The following IMMP1L variants were observed in gnomAD, a reference collection of about 807,000 sequenced individuals.
IMMP1L encodes mitochondrial inner membrane protease subunit 1.
A neutral mutation model predicts 21.8 loss-of-function variants in IMMP1L; 24 were observed. The observed-to-expected ratio is 1.10, with a 90% confidence interval of 0.80 to 1.55. IMMP1L has a LOEUF of 1.55. Among genes scored for constraint, IMMP1L ranks in the 40% most tolerant of loss-of-function variants. The pLI is 0.00. For missense variants in IMMP1L, 195 were observed against 200.7 expected, an observed-to-expected ratio of 0.97 and a Z score of 0.17; for synonymous variants, 46 against 62.8, an observed-to-expected ratio of 0.73 and a Z score of 1.26.
At chr11:31,478,809 G>T (rs1308336160) in intron 1 of IMMP1L, among the ~76,000 whole-genome samples, 3 of 151,870 alleles carry the variant, frequency 2.0e-5, no homozygotes, top group African/African-American at 7.3e-5. Flanking sequence ...AAATTTCCTT[G>T]ATCATTTTAT....
chr11:31,470,362 G>A (rs539704893), intron 1 of IMMP1L, among the ~76,000 whole-genome samples: 8 of 151,204 alleles, frequency 5.3e-5, no homozygotes, highest in South Asian at 2.1e-4. Context: ...GCGGTGAGCC[G>A]AGATAGCGCT....
chr11:31,465,339 G>C (rs1954298247), intron 1 of IMMP1L, among the ~76,000 whole-genome samples: 1 of 152,012 alleles, frequency 6.6e-6, no homozygotes, highest in Non-Finnish European at 1.5e-5. Context: ...CATACTCATG[G>C]ATTGGAAGAA....
chr11:31,475,204 C>T (rs1315122435), intron 1 of IMMP1L, among the ~76,000 whole-genome samples: 2 of 152,066 alleles, frequency 1.3e-5, no homozygotes, highest in East Asian at 1.9e-4. Flanking sequence ...TGAAACTCAC[C>T]TTATGTTTAT....
At chr11:31,488,633 G>A (rs1955157120) in intron 1 of IMMP1L, among the ~76,000 whole-genome samples, 1 of 152,056 alleles carries the variant, frequency 6.6e-6, no homozygotes, top group Non-Finnish European at 1.5e-5. Flanking sequence ...AATACCTGAG[G>A]TTAATTTTAA....
At chr11:31,447,023 T>C (rs1389498011) in intron 4 of IMMP1L, among the ~76,000 whole-genome samples, 2 of 152,234 alleles carry the variant, frequency 1.3e-5, no homozygotes, top group African/African-American at 4.8e-5. Flanking sequence ...GCTACCATAT[T>C]GGACAGCACA....
At chr11:31,498,040 G>A (rs556672156) in intron 1 of IMMP1L, among the ~76,000 whole-genome samples, 6 of 152,204 alleles carry the variant, frequency 3.9e-5, no homozygotes, top group African/African-American at 1.4e-4. Flanking sequence ...AAAAACGATC[G>A]TCATGTATGA....
intron 1 of IMMP1L, among the ~76,000 whole-genome samples, chr11:31,490,325 A>G (rs752853180): frequency 1.3e-5 from 2 of 152,098 alleles, no homozygotes; most frequent in Non-Finnish European, 2.9e-5. Context: ...TACAAAAATT[A>G]GCCGGGCATC....
At chr11:31,473,098 G>A (rs996389776) in intron 1 of IMMP1L, among the ~76,000 whole-genome samples, 35 of 152,262 alleles carry the variant, frequency 2.3e-4, no homozygotes, top group African/African-American at 8.2e-4. Flanking sequence ...CGCCCAGGCT[G>A]GAGTGTAGTG....
intron 4 of IMMP1L, 72 bp from the exon 5 acceptor site, chr11:31,433,642 C>T (rs1591930421): frequency 1.1e-6 from 1 of 871,132 alleles, no homozygotes; most frequent in East Asian, 2.5e-5. Context: ...AAAAGCATGT[C>T]ATTCAGAGGT....
At chr11:31,491,689 A>G (rs1008018689) in intron 1 of IMMP1L, among the ~76,000 whole-genome samples, 11 of 152,264 alleles carry the variant, frequency 7.2e-5, no homozygotes, top group African/African-American at 2.7e-4. Flanking sequence ...ATGCTAAAAC[A>G]TGCTCTGGAG....
chr11:31,471,370 C>T (rs896402353), intron 1 of IMMP1L, among the ~76,000 whole-genome samples: 2 of 152,154 alleles, frequency 1.3e-5, no homozygotes, highest in Non-Finnish European at 2.9e-5. Flanking sequence ...CCGTGTATGG[C>T]CTCCAGGTAT....
At chr11:31,437,118 C>G in intron 4 of IMMP1L, 1 of 444,256 alleles carries the variant, frequency 2.3e-6, no homozygotes, top group South Asian at 1.6e-5. Context: ...TGATCCACCT[C>G]TATAAGTTGC....
At position 31,482,466 on chromosome 11, in the gene IMMP1L, A is replaced by G. The variant is rs561888076; in HGVS notation, c.-29-19161T>C. 3.2e-4 allele frequency among the ~76,000 whole-genome samples: 48 copies of G among 152,146 alleles called. 1 individual carries two copies. The highest frequency in any genetic ancestry group is 1.1e-3 in the African/African-American group (47 of 41,536). On this transcript the variant is annotated intron_variant, in intron 1 of 5. Transcript: ENST00000532287. ...TTGCAATACCCATCATCAATGAAGA[A>G]CTCATATTTTGAATATATAAAGAAC...
rs1162324478 is a variant in IMMP1L at position 31,447,355 on chromosome 11, T to C, written c.321+8905A>G. 2.0e-5 allele frequency among the ~76,000 whole-genome samples: 3 copies of C among 152,146 alleles called. No homozygotes were observed. In the East Asian group the frequency reaches 5.8e-4, roughly 29 times the overall value. On this transcript the variant is annotated intron_variant, in intron 4 of 5. Transcript: ENST00000532287. ...GCTAGGATTGGTCTGGGGTCAGAAG[T>C]CCATTATCGGTCTCAGTCTGTGTCC...
intron 1 of IMMP1L, among the ~76,000 whole-genome samples, chr11:31,482,069 A>G (rs1185919177): frequency 6.6e-6 from 1 of 152,098 alleles, no homozygotes; most frequent in Non-Finnish European, 1.5e-5. Context: ...TTAAAACTGC[A>G]CATAAGGTGA....
chr11:31,456,227 C>T, intron 4 of IMMP1L, 33 bp downstream of exon 4: 1 of 1,460,010 alleles, frequency 6.8e-7, no homozygotes, highest in South Asian at 1.3e-5. Context: ...TCAATTATGA[C>T]ACCAAAAATA....
At position 31,446,673 on chromosome 11, in the gene IMMP1L, G is replaced by T. The variant is rs1278299489; in HGVS notation, c.321+9587C>A. ...AGCACAATGCTGTACTTACTTCTAG[G>T]CCTTCAGAATATGCTGCTTTCTTTG... On this transcript the variant is annotated intron_variant, in intron 4 of 5. Transcript: ENST00000532287. 2.0e-5 allele frequency among the ~76,000 whole-genome samples: 3 copies of T among 152,022 alleles called. 1 individual carries two copies. The highest frequency in any genetic ancestry group is 4.8e-5 in the African/African-American group (2 of 41,378).
At chr11:31,452,217 A>G (rs1953779904) in intron 4 of IMMP1L, 4 of 984,778 alleles carry the variant, frequency 4.1e-6, no homozygotes, top group Non-Finnish European at 4.8e-6. Flanking sequence ...ATTTTACAAC[A>G]TGTTTGTTGA....
intron 1 of IMMP1L, among the ~76,000 whole-genome samples, chr11:31,496,126 A>AAC (rs1554950923): frequency 1.1e-3 from 166 of 151,062 alleles, no homozygotes; most frequent in African/African-American, 3.7e-3. Flanking sequence ...CAAAAAAAAA[A>AAC]AAAACAAAGC....
Sources: gnomAD v4.1 joint callset for allele counts (sites outside exome capture counted in the v4.1 genomes callset) on GRCh38, gnomAD v4.1.1 for gene constraint, MANE v1.5 for transcripts, NCBI Gene and HGNC (gene_info 2026-07-23, HGNC 2026-07-21) for gene names.